SNX18: variants seen among roughly 807,000 people sequenced by gnomAD.
SNX18 encodes the protein sorting nexin-18.
A neutral mutation model predicts 48.7 loss-of-function variants in SNX18; 35 were observed. The observed-to-expected ratio is 0.72, with a 90% CI of 0.55 to 0.95. The LOEUF is 0.95. Among genes scored for constraint, SNX18 ranks in the 40% least tolerant of loss-of-function variants. The probability of loss-of-function intolerance (pLI) is 0.00; values close to 1 mark genes in which losing one functional copy is unlikely to be tolerated. For synonymous variants in SNX18, 492 were observed against 384.7 expected (o/e 1.28, Z -3.26); for missense variants, 824 against 871.0 (o/e 0.95, Z 0.68).
chr5:54,641,087 A>C, the SNX18 span, among the ~76,000 whole-genome samples: 1 of 151,976 alleles, frequency 6.6e-6, no homozygotes, highest in African/African-American at 2.4e-5. Flanking sequence ...ATCAGGAAGG[A>C]GTATACAGAA....
chr5:54,557,124 T>G, the SNX18 span, among the ~76,000 whole-genome samples: 2 of 152,338 alleles, frequency 1.3e-5, no homozygotes, highest in Middle Eastern at 6.8e-3. Context: ...AACATTTTCT[T>G]GCTAGCAATT....
rs1580091834 is a variant in SNX18, at chr5:54,520,169, CTATT to C, written c.1621+597_1621+600del. Reference sequence around the variant, plus strand: ...AGCGTACTCATTTTGAGTTTGAAATCTATTAATGTACTGAAATTGAGAACGTTGT... The same window carrying C: ...AGCGTACTCATTTTGAGTTTGAAATCAATGTACTGAAATTGAGAACGTTGT... On this transcript the variant is annotated intron_variant, in intron 1 of 1. Coordinates refer to ENST00000381410, the MANE Select transcript of SNX18 (RefSeq NM_001102575.2). 1.6e-5 allele frequency: 4 copies of C among 252,666 alleles called. No individual in the cohort carries two copies. In the East Asian group the frequency reaches 3.5e-4, roughly 22 times the overall value. 15.7% of individuals were successfully genotyped at this position (252,666 alleles called of 1,614,324 possible). A position where few individuals can be genotyped will look rare whatever the true frequency, so the allele number is the denominator to read the frequency against.
the SNX18 span, among the ~76,000 whole-genome samples, chr5:54,582,284 A>G: frequency 6.6e-6 from 1 of 152,210 alleles, no homozygotes; most frequent in Non-Finnish European, 1.5e-5. Context: ...GAAATATCTC[A>G]GATGGTAGCA....
chr5:54,631,596 C>A, the SNX18 span, among the ~76,000 whole-genome samples: 1 of 152,114 alleles, frequency 6.6e-6, no homozygotes, highest in Non-Finnish European at 1.5e-5. Context: ...GGTGCCATGG[C>A]AAATGTAAAG....
chr5:54,624,059 A>T, the SNX18 span, among the ~76,000 whole-genome samples: 2 of 152,354 alleles, frequency 1.3e-5, no homozygotes, highest in Non-Finnish European at 2.9e-5. Context: ...GCTATCCAGT[A>T]GCGCATTGAG....
At chr5:54,609,401 C>A in the SNX18 span, among the ~76,000 whole-genome samples, 1 of 152,012 alleles carries the variant, frequency 6.6e-6, no homozygotes, top group Non-Finnish European at 1.5e-5. Flanking sequence ...CTTGTTGTCC[C>A]CAAAACACAT....
chr5:54,639,557 T>G, the SNX18 span, among the ~76,000 whole-genome samples: 26,620 of 152,158 alleles, frequency 0.17, 2,569 homozygotes, highest in Middle Eastern at 0.25. Flanking sequence ...CCTCACTCAT[T>G]TAACTCTCAA....
chr5:54,613,009 T>C, the SNX18 span, among the ~76,000 whole-genome samples: 2 of 152,276 alleles, frequency 1.3e-5, no homozygotes, highest in Admixed American at 1.3e-4. Context: ...TAAACATTCC[T>C]GGCCTTGCCA....
chr5:54,530,608 A>G (rs1762235615), intron 1 of SNX18, among the ~76,000 whole-genome samples: 2 of 152,128 alleles, frequency 1.3e-5, no homozygotes, highest in African/African-American at 4.8e-5. Flanking sequence ...CCTGAGTGCC[A>G]GGCATGGTGC....
the SNX18 span, among the ~76,000 whole-genome samples, chr5:54,589,887 C>T: frequency 2.0e-5 from 3 of 152,146 alleles, no homozygotes; most frequent in South Asian, 6.2e-4. Context: ...AATGCAGTGG[C>T]GAGATCATTC....
At chr5:54,625,927 C>A in the SNX18 span, among the ~76,000 whole-genome samples, 3 of 152,080 alleles carry the variant, frequency 2.0e-5, no homozygotes, top group Non-Finnish European at 4.4e-5. Flanking sequence ...GAAAAAGCAC[C>A]TTGAAAATAA....
the SNX18 span, among the ~76,000 whole-genome samples, chr5:54,553,395 C>G: frequency 4.6e-5 from 7 of 152,078 alleles, no homozygotes; most frequent in Admixed American, 4.6e-4. Context: ...AGCAACAGGT[C>G]GGGGAGCTGA....
the SNX18 span, among the ~76,000 whole-genome samples, chr5:54,573,336 A>G: frequency 6.6e-6 from 1 of 152,014 alleles, no homozygotes; most frequent in Non-Finnish European, 1.5e-5. Context: ...TTTACTTTGC[A>G]CTTCAGACTC....
At chr5:54,527,686 A>C (rs2033791795) in intron 1 of SNX18, among the ~76,000 whole-genome samples, 2 of 152,042 alleles carry the variant, frequency 1.3e-5, no homozygotes, top group African/African-American at 2.4e-5. Context: ...TTTGTGAATA[A>C]TTGTCTGTGC....
At chr5:54,622,895 C>T in the SNX18 span, among the ~76,000 whole-genome samples, 3 of 152,232 alleles carry the variant, frequency 2.0e-5, no homozygotes, top group East Asian at 5.8e-4. Flanking sequence ...TCTGGTTTGT[C>T]ATTGCAAGCT....
intron 1 of SNX18, among the ~76,000 whole-genome samples, chr5:54,541,749 A>G (rs1457020096): frequency 6.6e-6 from 1 of 152,204 alleles, no homozygotes; most frequent in South Asian, 2.1e-4. Flanking sequence ...CTACACGTAC[A>G]TATATATGGA....
chr5:54,621,516 G>A, the SNX18 span, among the ~76,000 whole-genome samples: 1 of 152,074 alleles, frequency 6.6e-6, no homozygotes, highest in Non-Finnish European at 1.5e-5. Flanking sequence ...TAGCAGATAG[G>A]TCTACCCCTT....
rs1345786483 is a variant in SNX18 at position 54,517,926 on chromosome 5, G to C, written c.-27G>C. On this transcript the variant is annotated 5_prime_UTR_variant, in exon 1 of 2. Transcript: ENST00000381410. ...GCCTCGGCTCGGGACGCCGGGAGTC[G>C]GGACCGCCAGTCGGGGCGCCGGGAC... 5 of 1,487,122 alleles carry C rather than the reference G, an allele frequency of 3.4e-6. No individual in the cohort carries two copies. In the African/African-American group the frequency reaches 4.4e-5, roughly 13 times the overall value. 92.1% of individuals were successfully genotyped at this position (1,487,122 alleles called of 1,614,324 possible). A position where few individuals can be genotyped will look rare whatever the true frequency, so the allele number is the denominator to read the frequency against.
At chr5:54,555,280 G>A in the SNX18 span, among the ~76,000 whole-genome samples, 1 of 152,138 alleles carries the variant, frequency 6.6e-6, no homozygotes, top group Non-Finnish European at 1.5e-5. Context: ...TGTTGCACTT[G>A]GTATAATTCT....
Sources: allele counts gnomAD v4.1 joint callset (sites outside exome capture counted in the v4.1 genomes callset), GRCh38; gene constraint gnomAD v4.1.1; transcripts MANE v1.5; gene names NCBI Gene and HGNC (gene_info 2026-07-23, HGNC 2026-07-21).